IFNG: variants seen among roughly 807,000 people sequenced by gnomAD.
IFNG encodes interferon gamma.
IFNG carries 8 observed loss-of-function variants against 14.4 expected under a neutral mutation model. The ratio of observed to expected loss-of-function variants is 0.56; its 90% CI spans 0.33 to 1.00. The LOEUF (loss-of-function observed/expected upper bound fraction) is 1.00, where lower values mean the gene tolerates loss of function less well. Ranked by LOEUF, IFNG falls within the 50% of genes least tolerant of loss-of-function variation. The pLI, the probability that IFNG is intolerant of heterozygous loss-of-function variation, is 0.03. For missense variants in IFNG, 132 were observed against 194.9 expected (o/e 0.68, Z 1.92); for synonymous variants, 73 against 65.4 (o/e 1.12, Z -0.56).
Position 68,157,864 on chromosome 12 carries a change from TGCAAGACCCTCG to T in IFNG, c.366+37_366+48del, listed in dbSNP as rs1448117654. On this transcript the variant is annotated intron_variant, in intron 3 of 3. Transcript: ENST00000229135. ...TCTACTTTCTGGAGAATAAATGCTT[TGCAAGACCCTCG>T]GCAATGAAACCAAAGAAAGAATTTA... 3 of 1,364,716 alleles carry T rather than the reference TGCAAGACCCTCG, an allele frequency of 2.2e-6. No individual in the cohort carries two copies. In the Admixed American group the frequency reaches 5.9e-5, roughly 27 times the overall value. The allele number at this position is 1,364,716 out of a possible 1,614,324, so 84.5% of individuals were successfully genotyped here.
chr12:68,158,261 TAAAAAAAA>T lies in IFNG; in HGVS notation c.115-10_115-3del. ...CGCTACATCTGAATGACCTGCATTC[TAAAAAAAA>T]AAAAAGAAAAAATTGGTTTACAATT... is the stretch of plus-strand genomic sequence containing the variant. On this transcript the variant is annotated splice_region_variant and splice_polypyrimidine_tract_variant and intron_variant, in intron 1 of 3. Coordinates refer to ENST00000229135, the MANE Select transcript of IFNG (RefSeq NM_000619.3). 1 of 1,355,056 alleles carries T rather than the reference TAAAAAAAA, an allele frequency of 7.4e-7. No homozygotes were observed. 83.9% of individuals were successfully genotyped at this position (1,355,056 alleles called of 1,614,324 possible). A position where few individuals can be genotyped will look rare whatever the true frequency, so the allele number is the denominator to read the frequency against.
Position 68,159,607 on chromosome 12 carries a change from A to G in IFNG, c.9T>C (p.Tyr3=). ...GCTGAAAAGCCAAGATATAACTTGTATATTTCATCGTTTCCGAGAGAATTA... is the reference window on the plus strand; with the variant it reads ...GCTGAAAAGCCAAGATATAACTTGTGTATTTCATCGTTTCCGAGAGAATTA... The part of the protein sequence containing the change: MK[Y]TSYILAFQLC... The change falls in exon 1 of 4, where the codon TAT becomes TAC. Residue 3 remains tyrosine (Y), a synonymous_variant. Coordinates refer to ENST00000229135, the MANE Select transcript of IFNG (RefSeq NM_000619.3). 6.3e-7 allele frequency: 1 copy of G among 1,576,886 alleles called. No homozygotes were observed.
At chr12:68,156,042 G>C (rs1181199590) in intron 3 of IFNG, among the ~76,000 whole-genome samples, 1 of 152,172 alleles carries the variant, frequency 6.6e-6, no homozygotes, top group Admixed American at 6.5e-5. Context: ...GAAGTGGAAG[G>C]ACTGTGCCCT....
At position 68,155,577 on chromosome 12, in the gene IFNG, G is replaced by C. The variant is rs1051295371; in HGVS notation, c.367-90C>G. 101 of 1,235,014 alleles carry C rather than the reference G, an allele frequency of 8.2e-5. 1 individual carries two copies. Among genetic ancestry groups the C allele is most frequent in the Non-Finnish European group, 1.1e-4 (99 of 901,264 alleles). The allele number at this position is 1,235,014 out of a possible 1,614,324, so 76.5% of individuals were successfully genotyped here. A position where few individuals can be genotyped will look rare whatever the true frequency, so the allele number is the denominator to read the frequency against. Reference sequence around the variant, plus strand: ...GTCATGATGGTCAGTGAAAATAAAAGTATTCCTTTAAAAAATGGACCGTAT... The same window carrying C: ...GTCATGATGGTCAGTGAAAATAAAACTATTCCTTTAAAAAATGGACCGTAT... On this transcript the variant is annotated intron_variant, in intron 3 of 3. Coordinates refer to ENST00000229135, the MANE Select transcript of IFNG (RefSeq NM_000619.3).
rs1194699503 is a variant in IFNG at position 68,159,493 on chromosome 12, C to G, written c.114+9G>C. 1 of 1,391,062 alleles carries G rather than the reference C, an allele frequency of 7.2e-7. No individual in the cohort carries two copies. The highest frequency in any genetic ancestry group is 1.4e-5 in the African/African-American group (1 of 70,260). 86.2% of individuals were successfully genotyped at this position (1,391,062 alleles called of 1,614,324 possible). The stretch of plus-strand genomic sequence containing the variant: ...CCACAAACAAGTACTATTAAAAAGT[C>G]ATACTTACAAAATATTTCTTAAGGT... On this transcript the variant is annotated intron_variant, in intron 1 of 3. Coordinates refer to ENST00000229135, the MANE Select transcript of IFNG (RefSeq NM_000619.3).
chr12:68,156,930 G>A (rs1385471113), intron 3 of IFNG, among the ~76,000 whole-genome samples: 1 of 152,138 alleles, frequency 6.6e-6, no homozygotes, highest in Non-Finnish European at 1.5e-5. Flanking sequence ...CATATCCTAA[G>A]AACACAAATG....
rs2120746290 is a variant in IFNG, at chr12:68,158,175, G to T, written c.183+16C>A. On this transcript the variant is annotated intron_variant, in intron 2 of 3. Transcript: ENST00000229135. ...AAGCAACAGGAAAATTAGCCAAATG[G>T]GAATATTCAGCTTACCTCTTTCCAA... 6.2e-7 allele frequency: 1 copy of T among 1,602,648 alleles called. No individual in the cohort carries two copies. The highest frequency in any genetic ancestry group is 8.5e-7 in the Non-Finnish European group (1 of 1,174,788).
At chr12:68,158,777 G>A (rs977608086) in intron 1 of IFNG, among the ~76,000 whole-genome samples, 1 of 151,896 alleles carries the variant, frequency 6.6e-6, no homozygotes, top group African/African-American at 2.4e-5. Context: ...AAAATCAATT[G>A]TGAATGTCTG....
At chr12:68,155,867 G>A (rs950809044) in intron 3 of IFNG, among the ~76,000 whole-genome samples, 5 of 152,206 alleles carry the variant, frequency 3.3e-5, no homozygotes, top group Admixed American at 2.0e-4. Context: ...AGGAGGATGA[G>A]ACTGTTTCTA....
At chr12:68,156,091 C>G (rs1007242988) in intron 3 of IFNG, among the ~76,000 whole-genome samples, 2 of 152,122 alleles carry the variant, frequency 1.3e-5, no homozygotes, top group African/African-American at 4.8e-5. Context: ...CTGACATCCA[C>G]CTAAGTTTGA....
chr12:68,157,805 G>T, intron 3 of IFNG, 108 bp downstream of exon 3: 1 of 809,628 alleles, frequency 1.2e-6, no homozygotes, highest in Non-Finnish European at 2.0e-6. Flanking sequence ...CATGAGTTGA[G>T]TTCATAGCTT....
rs2120751075 is a variant in IFNG at position 68,159,548 on chromosome 12, C to T, written c.68G>A (p.Cys23Tyr). ...TGCTTCTTTTACATATGGGTCCTGG[C>T]AGTAACAGCCAAGAGAACCCAAAAC... ...CIVLGSLGCY[C>Y]QDPYVKEAEN... Residue 23 changes from cysteine (C) to tyrosine (Y), a missense_variant, in exon 1 of 4, where the codon TGC (cysteine) becomes TAC (tyrosine). Physicochemically the swap from Cys to Tyr is radical, Grantham distance 194. Transcript: ENST00000229135. 1 of 1,604,864 alleles carries T rather than the reference C, an allele frequency of 6.2e-7. No individual in the cohort carries two copies. The highest frequency in any genetic ancestry group is 8.5e-7 in the Non-Finnish European group (1 of 1,173,676).
Position 68,157,859 on chromosome 12 carries a change from T to A in IFNG, c.366+54A>T. Reference sequence around the variant, plus strand: ...TAATGTCTACTTTCTGGAGAATAAATGCTTTGCAAGACCCTCGGCAATGAA... The same window carrying A: ...TAATGTCTACTTTCTGGAGAATAAAAGCTTTGCAAGACCCTCGGCAATGAA... On this transcript the variant is annotated intron_variant, in intron 3 of 3. Coordinates refer to ENST00000229135, the MANE Select transcript of IFNG (RefSeq NM_000619.3). 4 of 1,294,692 alleles carry A rather than the reference T, an allele frequency of 3.1e-6. No individual in the cohort carries two copies. The East Asian group carries it at 9.4e-5, about 30-fold the overall frequency. 80.2% of individuals were successfully genotyped at this position (1,294,692 alleles called of 1,614,324 possible).
At chr12:68,157,477 A>G (rs1460301347) in intron 3 of IFNG, among the ~76,000 whole-genome samples, 1 of 152,194 alleles carries the variant, frequency 6.6e-6, no homozygotes, top group Admixed American at 6.5e-5. Flanking sequence ...GATTCATCAC[A>G]GTTCCTTGGT....
rs770640718 is a variant in IFNG, at chr12:68,155,504, G to A, written c.367-17C>T. 1.3e-6 allele frequency: 2 copies of A among 1,584,792 alleles called. No homozygotes were observed. Among genetic ancestry groups the A allele is most frequent in the Admixed American group, 3.6e-5 (2 of 56,090 alleles). On this transcript the variant is annotated splice_polypyrimidine_tract_variant and intron_variant, in intron 3 of 3. Transcript: ENST00000229135. ...GTCAGTTACCTATCGGGAAAGAAAA[G>A]AGCAAAATTAATTTCAGGCATATAA...
chr12:68,155,550 A>G, intron 3 of IFNG, 63 bp from the exon 4 acceptor site: 1 of 1,463,454 alleles, frequency 6.8e-7, no homozygotes, highest in Non-Finnish European at 9.3e-7. Context: ...TATTCTGCTA[A>G]TGTCATGATG....
intron 1 of IFNG, 54 bp from the exon 2 acceptor site, chr12:68,158,313 A>G: frequency 8.1e-7 from 1 of 1,237,520 alleles, no homozygotes; most frequent in Non-Finnish European, 1.1e-6. Context: ...AATTGCCTTA[A>G]AAATATATTT....
Position 68,155,093 on chromosome 12 carries a change from T to C in IFNG, c.*260A>G, listed in dbSNP as rs1022165511. On this transcript the variant is annotated 3_prime_UTR_variant, in exon 4 of 4. Coordinates refer to ENST00000229135, the MANE Select transcript of IFNG (RefSeq NM_000619.3). ...ATCTTGCTTAGGTTGGCTGCCTAGT[T>C]GGCCCCTGAGATAAAGCCTTGTAAT... The C allele has an allele frequency of 5.6e-5, 13 of 231,752 alleles. No homozygotes were observed. The highest frequency in any genetic ancestry group is 3.0e-4 in the African/African-American group (13 of 43,736). 14.4% of individuals were successfully genotyped at this position (231,752 alleles called of 1,614,324 possible).
intron 3 of IFNG, among the ~76,000 whole-genome samples, chr12:68,157,649 C>T (rs56179046): frequency 1.3e-5 from 2 of 152,214 alleles, no homozygotes; most frequent in African/African-American, 2.4e-5. Flanking sequence ...TCACCTACTT[C>T]CTCTTCACTG....
Sources: gnomAD v4.1 joint callset for allele counts (sites outside exome capture counted in the v4.1 genomes callset) on GRCh38, gnomAD v4.1.1 for gene constraint, MANE v1.5 for transcripts, NCBI Gene and HGNC (gene_info 2026-07-23, HGNC 2026-07-21) for gene names.